The following MOB3B variants were observed in gnomAD, a reference collection of about 807,000 sequenced individuals.
MOB3B encodes MOB kinase activator-like 2B.
A neutral mutation model predicts 18.7 loss-of-function variants in MOB3B; 7 were observed. The observed-to-expected ratio is 0.37, with a 90% CI of 0.21 to 0.70. MOB3B has a LOEUF of 0.70. Ranked by LOEUF, MOB3B falls within the 30% of genes least tolerant of loss-of-function variation. The pLI, the probability that MOB3B is intolerant of heterozygous loss-of-function variation, is 0.52. For missense variants in MOB3B, 253 were observed against 281.3 expected (o/e 0.90, Z 0.72); for synonymous variants, 111 against 99.9 (o/e 1.11, Z -0.66).
intron 1 of MOB3B, among the ~76,000 whole-genome samples, chr9:27,494,911 C>A (rs184308768): frequency 1.3e-5 from 2 of 152,266 alleles, no homozygotes; most frequent in East Asian, 3.9e-4. Context: ...TGTTAAAATG[C>A]AAATTATGAT....
chr9:27,349,836 G>A (rs1224034896), intron 3 of MOB3B, among the ~76,000 whole-genome samples: 1 of 152,172 alleles, frequency 6.6e-6, no homozygotes, highest in Admixed American at 6.5e-5. Flanking sequence ...AACCATACTA[G>A]GGGGCTTAAA....
At chr9:27,454,176 G>A (rs996609342) in intron 2 of MOB3B, among the ~76,000 whole-genome samples, 6 of 152,264 alleles carry the variant, frequency 3.9e-5, no homozygotes, top group Non-Finnish European at 7.4e-5. Context: ...AACTTTCCAG[G>A]TGCTATGTGG....
intron 1 of MOB3B, chr9:27,524,663 A>T (rs1480938835): frequency 6.2e-7 from 1 of 1,614,086 alleles, no homozygotes; most frequent in East Asian, 2.2e-5. Context: ...GGAAAGAGAG[A>T]CACCTCAAAC....
chr9:27,382,315 T>A (rs1272585068), intron 2 of MOB3B, among the ~76,000 whole-genome samples: 6 of 152,102 alleles, frequency 3.9e-5, no homozygotes, highest in African/African-American at 1.4e-4. Context: ...GCTTCAGATA[T>A]CAGATCGATT....
chr9:27,355,685 G>A (rs184199345), intron 3 of MOB3B, among the ~76,000 whole-genome samples: 7 of 150,906 alleles, frequency 4.6e-5, no homozygotes, highest in African/African-American at 7.3e-5. Flanking sequence ...TCAGCCTCCC[G>A]AGTGGCTGGG....
chr9:27,483,224 C>A (rs1386376961), intron 1 of MOB3B, among the ~76,000 whole-genome samples: 1 of 150,270 alleles, frequency 6.7e-6, no homozygotes, highest in Non-Finnish European at 1.5e-5. Context: ...GCTCCGCCTC[C>A]CGGGTTCACG....
chr9:27,340,296 A>G (rs1273434328), intron 3 of MOB3B, among the ~76,000 whole-genome samples: 1 of 152,230 alleles, frequency 6.6e-6, no homozygotes, highest in Non-Finnish European at 1.5e-5. Flanking sequence ...CACGGAGAAT[A>G]TTTATTCATA....
At chr9:27,392,660 A>C (rs1332613532) in intron 2 of MOB3B, among the ~76,000 whole-genome samples, 1 of 152,202 alleles carries the variant, frequency 6.6e-6, no homozygotes, top group Admixed American at 6.5e-5. Flanking sequence ...TGTCCTATTC[A>C]TTTTCATGAA....
At chr9:27,522,854 G>A (rs1221140236) in intron 1 of MOB3B, among the ~76,000 whole-genome samples, 1 of 151,730 alleles carries the variant, frequency 6.6e-6, no homozygotes, top group Non-Finnish European at 1.5e-5. Context: ...TCCAAATTTG[G>A]TCAGCCCAAG....
At chr9:27,501,823 G>A (rs1388181627) in intron 1 of MOB3B, among the ~76,000 whole-genome samples, 2 of 151,628 alleles carry the variant, frequency 1.3e-5, no homozygotes, top group South Asian at 2.1e-4. Flanking sequence ...GCAATTTAAT[G>A]TACTTCCAGC....
chr9:27,449,577 A>T (rs1270957253), intron 2 of MOB3B, among the ~76,000 whole-genome samples: 1 of 152,242 alleles, frequency 6.6e-6, no homozygotes, highest in Non-Finnish European at 1.5e-5. Flanking sequence ...GTCCAGTACT[A>T]ATTCCAACAT....
rs887638322 is a variant in MOB3B at position 27,469,551 on chromosome 9, T to C, written c.-198-13803A>G. ...ATAGCAAGGTCATGGCTGACAGGAT[T>C]GTACAGCAGGAAGAACTTCTGAACA... On this transcript the variant is annotated intron_variant, in intron 1 of 3. Transcript: ENST00000262244. Among the ~76,000 whole-genome samples, 4 of 152,204 alleles carry C rather than the reference T, an allele frequency of 2.6e-5. No homozygotes were observed. The South Asian group carries it at 8.3e-4, about 31-fold the overall frequency.
rs186896481 is a variant in MOB3B, at chr9:27,359,741, T to A, written c.419-505A>T. Among the ~76,000 whole-genome samples the A allele has an allele frequency of 1.3e-3, 198 of 152,258 alleles. 5 individuals carry two copies. Among genetic ancestry groups the A allele is most frequent in the Admixed American group, 0.013 (193 of 15,288 alleles). ...TTGCATCACAGATTCCCCCTTCGTC[T>A]CTTTGAGGAAGGTAAGAGTTGGGAG... is the stretch of plus-strand genomic sequence containing the variant. On this transcript the variant is annotated intron_variant, in intron 2 of 3. Coordinates refer to ENST00000262244, the MANE Select transcript of MOB3B (RefSeq NM_024761.5).
intron 1 of MOB3B, among the ~76,000 whole-genome samples, chr9:27,473,906 A>G (rs1454851088): frequency 2.6e-5 from 4 of 152,196 alleles, no homozygotes; most frequent in Admixed American, 2.6e-4. Context: ...CCTTTGGAAG[A>G]TAGTTTGGTT....
intron 2 of MOB3B, among the ~76,000 whole-genome samples, chr9:27,395,873 A>G (rs548064496): frequency 1.3e-5 from 2 of 152,280 alleles, no homozygotes; most frequent in African/African-American, 4.8e-5. Context: ...GGACTCGTTC[A>G]AGGAGCACTT....
chr9:27,384,965 C>T (rs1239684950), intron 2 of MOB3B, among the ~76,000 whole-genome samples: 1 of 152,168 alleles, frequency 6.6e-6, no homozygotes, highest in Admixed American at 6.5e-5. Context: ...CGTAGGTTGG[C>T]CAGGCAGTCC....
intron 1 of MOB3B, among the ~76,000 whole-genome samples, chr9:27,500,843 T>C (rs1819979853): frequency 6.6e-6 from 1 of 152,136 alleles, no homozygotes; most frequent in Non-Finnish European, 1.5e-5. Flanking sequence ...TTTTGCAATC[T>C]ACCCATCTGA....
chr9:27,344,317 A>G (rs1457199114), intron 3 of MOB3B, among the ~76,000 whole-genome samples: 1 of 152,228 alleles, frequency 6.6e-6, no homozygotes, highest in African/African-American at 2.4e-5. Context: ...TCCATGCCCA[A>G]CTAATTCAGT....
chr9:27,482,702 C>A (rs1445796385), intron 1 of MOB3B, among the ~76,000 whole-genome samples: 1 of 152,220 alleles, frequency 6.6e-6, no homozygotes, highest in African/African-American at 2.4e-5. Context: ...CAAACCCTTT[C>A]CAAGTGAAGC....
Sources: gnomAD v4.1 joint callset for allele counts (sites outside exome capture counted in the v4.1 genomes callset) on GRCh38, gnomAD v4.1.1 for gene constraint, MANE v1.5 for transcripts, NCBI Gene and HGNC (gene_info 2026-07-23, HGNC 2026-07-21) for gene names.